Variants in RGS6 observed in about 807,000 individuals in gnomAD.
The protein encoded by RGS6 is regulator of G protein signaling 6, also known as regulator of G-protein signaling 6.
In RGS6, 30 loss-of-function variants were observed where a neutral mutation model predicts 78.5. The ratio of observed to expected loss-of-function variants is 0.38; its 90% CI spans 0.29 to 0.52. The LOEUF is 0.52. Ranked by LOEUF, RGS6 falls within the 20% of genes least tolerant of loss-of-function variation. The probability of loss-of-function intolerance (pLI) is 0.85; values close to 1 mark genes in which losing one functional copy is unlikely to be tolerated. For synonymous variants in RGS6, 206 were observed against 206.0 expected (o/e 1.00, Z 0.00); for missense variants, 495 against 609.7 (o/e 0.81, Z 1.98).
intron 15 of RGS6, among the ~76,000 whole-genome samples, chr14:72,528,769 G>A (rs762304850): frequency 2.0e-5 from 3 of 152,308 alleles, no homozygotes; most frequent in Non-Finnish European, 4.4e-5. Context: ...ATCCCCTTAG[G>A]AATTTACTCT....
chr14:72,221,582 A>C (rs2046873973), intron 2 of RGS6, among the ~76,000 whole-genome samples: 1 of 152,238 alleles, frequency 6.6e-6, no homozygotes. Flanking sequence ...TAAACCCCTG[A>C]ACAAGTGACG....
At chr14:72,254,960 A>T (rs1168716944) in intron 2 of RGS6, among the ~76,000 whole-genome samples, 1 of 152,200 alleles carries the variant, frequency 6.6e-6, no homozygotes, top group Non-Finnish European at 1.5e-5. Flanking sequence ...TGACTGAGGT[A>T]TGGTGAGGCC....
chr14:72,372,025 G>A (rs951945615), intron 3 of RGS6, among the ~76,000 whole-genome samples: 1 of 152,180 alleles, frequency 6.6e-6, no homozygotes, highest in Non-Finnish European at 1.5e-5. Context: ...GTTTCTGACA[G>A]AAAGTGTATA....
chr14:72,468,417 G>A (rs1440557908), intron 7 of RGS6, among the ~76,000 whole-genome samples: 1 of 151,436 alleles, frequency 6.6e-6, no homozygotes, highest in African/African-American at 2.4e-5. Flanking sequence ...GTGCTCTCAG[G>A]TTGAAGTTCT....
intron 2 of RGS6, among the ~76,000 whole-genome samples, chr14:72,171,168 TGAG>T (rs1483502126): frequency 1.3e-5 from 2 of 152,036 alleles, no homozygotes; most frequent in African/African-American, 2.4e-5. Flanking sequence ...GCACACGTGC[TGAG>T]GAGGAAAAAA....
At chr14:72,123,113 T>C (rs141312474) in intron 2 of RGS6, among the ~76,000 whole-genome samples, 2 of 152,124 alleles carry the variant, frequency 1.3e-5, no homozygotes, top group Admixed American at 1.3e-4. Flanking sequence ...ATTATAGGTA[T>C]GCACCACCAC....
chr14:71,904,143 T>C, the RGS6 span, among the ~76,000 whole-genome samples: 1 of 152,208 alleles, frequency 6.6e-6, no homozygotes, highest in African/African-American at 2.4e-5. Context: ...ATCCAGCGTC[T>C]ATTTCCTCTT....
intron 2 of RGS6, among the ~76,000 whole-genome samples, chr14:72,105,147 G>A (rs941857353): frequency 1.4e-4 from 22 of 152,154 alleles, no homozygotes; most frequent in African/African-American, 5.3e-4. Context: ...GTAATATAGG[G>A]AGGGAATGAT....
chr14:71,974,802 TA>T (rs2094017114), intron 2 of RGS6, among the ~76,000 whole-genome samples: 1 of 152,228 alleles, frequency 6.6e-6, no homozygotes, highest in African/African-American at 2.4e-5. Context: ...GTATTTTCTT[TA>T]GTGCAGGTCT....
chr14:72,363,134 C>T (rs1257139909), intron 3 of RGS6, among the ~76,000 whole-genome samples: 2 of 152,174 alleles, frequency 1.3e-5, no homozygotes, highest in African/African-American at 2.4e-5. Flanking sequence ...GGAAAGCTGA[C>T]TTGTAGACTT....
chr14:72,467,653 G>C (rs1170157992), intron 7 of RGS6, among the ~76,000 whole-genome samples: 1 of 152,188 alleles, frequency 6.6e-6, no homozygotes, highest in East Asian at 1.9e-4. Context: ...AGAAGAGGAA[G>C]AAGCAGTGCA....
At chr14:72,125,563 T>C (rs2096169326) in intron 2 of RGS6, among the ~76,000 whole-genome samples, 1 of 152,066 alleles carries the variant, frequency 6.6e-6, no homozygotes, top group African/African-American at 2.4e-5. Flanking sequence ...GACAGGAGAA[T>C]AGATCTCAAA....
At chr14:71,898,548 G>A in the RGS6 span, among the ~76,000 whole-genome samples, 4 of 152,050 alleles carry the variant, frequency 2.6e-5, no homozygotes, top group South Asian at 4.2e-4. Flanking sequence ...TGTGCAGAAC[G>A]TGCAGGTTTG....
At chr14:72,358,910 T>C (rs1267633210) in intron 3 of RGS6, among the ~76,000 whole-genome samples, 1 of 152,218 alleles carries the variant, frequency 6.6e-6, no homozygotes, top group African/African-American at 2.4e-5. Context: ...GTAATTCCCA[T>C]AGTCCCCATG....
At chr14:72,068,187 G>T (rs1226780794) in intron 2 of RGS6, among the ~76,000 whole-genome samples, 1 of 149,554 alleles carries the variant, frequency 6.7e-6, no homozygotes, top group Admixed American at 6.7e-5. Flanking sequence ...AGGCTGGAGT[G>T]CAGTGGTACA....
the RGS6 span, among the ~76,000 whole-genome samples, chr14:72,572,101 T>C: frequency 6.6e-6 from 1 of 152,172 alleles, no homozygotes; most frequent in Non-Finnish European, 1.5e-5. Flanking sequence ...AATTCCATGA[T>C]GAGATACCAC....
At chr14:72,188,850 A>ACT (rs1489594060) in intron 2 of RGS6, among the ~76,000 whole-genome samples, 2 of 152,244 alleles carry the variant, frequency 1.3e-5, no homozygotes, top group East Asian at 1.9e-4. Flanking sequence ...GTAAAAAAGA[A>ACT]CTCTCTCTGA....
intron 2 of RGS6, among the ~76,000 whole-genome samples, chr14:72,166,128 ACACACAC>A (rs751968888): frequency 0.057 from 8,567 of 151,186 alleles, 264 homozygotes; most frequent in Middle Eastern, 0.069. Flanking sequence ...ACACACACAC[ACACACAC>A]ACAGACTGAC....
At chr14:72,342,362 T>C (rs147443809) in intron 2 of RGS6, among the ~76,000 whole-genome samples, 151 of 152,152 alleles carry the variant, frequency 9.9e-4, no homozygotes, top group African/African-American at 3.3e-3. Flanking sequence ...GTTCAGGAGT[T>C]TGAGACCAGC....
Sources: gnomAD v4.1 joint callset for allele counts (sites outside exome capture counted in the v4.1 genomes callset) on GRCh38, gnomAD v4.1.1 for gene constraint, MANE v1.5 for transcripts, NCBI Gene and HGNC (gene_info 2026-07-23, HGNC 2026-07-21) for gene names.